STOX2: variants seen among roughly 807,000 people sequenced by gnomAD.
STOX2 encodes the protein storkhead-box protein 2.
Under a neutral mutation model 60.9 loss-of-function variants are expected in STOX2, and 28 were observed. That is an observed-to-expected ratio of 0.46 (90% CI 0.34 to 0.63). STOX2 has a LOEUF of 0.63. Ranked by LOEUF, STOX2 falls within the 30% of genes least tolerant of loss-of-function variation. The pLI is 0.01. For synonymous variants in STOX2, 472 were observed against 463.9 expected, an observed-to-expected ratio of 1.02 and a Z score of -0.22; for missense variants, 1,024 against 1,187.7, an observed-to-expected ratio of 0.86 and a Z score of 2.03.
chr4:183,991,734 T>A (rs1463483610), intron 1 of STOX2, among the ~76,000 whole-genome samples: 1 of 152,152 alleles, frequency 6.6e-6, no homozygotes, highest in East Asian at 1.9e-4. Flanking sequence ...AGGGAAGATA[T>A]TTTTAATACT....
chr4:183,977,964 A>C (rs1383953900), intron 1 of STOX2, among the ~76,000 whole-genome samples: 2 of 151,692 alleles, frequency 1.3e-5, no homozygotes, highest in African/African-American at 4.8e-5. Flanking sequence ...TTTCTTGTTG[A>C]GTTATTTGAG....
intron 1 of STOX2, among the ~76,000 whole-genome samples, chr4:183,951,489 T>C (rs1474929193): frequency 8.6e-5 from 12 of 138,846 alleles, no homozygotes; most frequent in African/African-American, 2.4e-4. Context: ...TCGTTCTTGT[T>C]GCCCAGGCTG....
chr4:184,008,086 A>G (rs999030421), intron 2 of STOX2, among the ~76,000 whole-genome samples: 2 of 152,184 alleles, frequency 1.3e-5, no homozygotes, highest in Admixed American at 1.3e-4. Context: ...TGGTTGAACC[A>G]CATGCAACTG....
chr4:183,953,745 T>C (rs112605483), intron 1 of STOX2, among the ~76,000 whole-genome samples: 2,481 of 152,134 alleles, frequency 0.016, 79 homozygotes, highest in African/African-American at 0.056. Context: ...TTTGTCTTTT[T>C]AGTAGAGACG....
chr4:183,932,948 G>A (rs182230303), intron 1 of STOX2, among the ~76,000 whole-genome samples: 1 of 152,170 alleles, frequency 6.6e-6, no homozygotes, highest in East Asian at 1.9e-4. Flanking sequence ...TATTTATAAG[G>A]CACTTATTCT....
chr4:184,017,050 T>C (rs775961694), intron 3 of STOX2, 39 bp from the exon 4 acceptor site: 1 of 1,518,114 alleles, frequency 6.6e-7, no homozygotes, highest in South Asian at 1.3e-5. Context: ...ATTATTTATG[T>C]TCCAAACAAA....
At chr4:183,852,696 T>G (rs1740185507) in intron 1 of STOX2, among the ~76,000 whole-genome samples, 1 of 152,176 alleles carries the variant, frequency 6.6e-6, no homozygotes, top group African/African-American at 2.4e-5. Context: ...TTTTCTGCAT[T>G]TAGCGGTGGA....
At chr4:183,838,038 TAAAAC>T (rs1397221971) in intron 1 of STOX2, among the ~76,000 whole-genome samples, 1 of 152,110 alleles carries the variant, frequency 6.6e-6, no homozygotes, top group Non-Finnish European at 1.5e-5. Context: ...AAATTAAAAT[TAAAAC>T]AGAAAATCAC....
chr4:183,854,328 A>G (rs182812488), intron 1 of STOX2, among the ~76,000 whole-genome samples: 81 of 152,358 alleles, frequency 5.3e-4, no homozygotes, highest in Admixed American at 1.6e-3. Context: ...TTTATTTGAC[A>G]TTATAACTTG....
chr4:183,952,030 A>C (rs1743112429), intron 1 of STOX2, among the ~76,000 whole-genome samples: 1 of 152,124 alleles, frequency 6.6e-6, no homozygotes, highest in Non-Finnish European at 1.5e-5. Context: ...CCCCACATTA[A>C]AGTGGTTTTG....
At chr4:183,894,819 G>A (rs961393210) in intron 1 of STOX2, among the ~76,000 whole-genome samples, 7 of 152,148 alleles carry the variant, frequency 4.6e-5, no homozygotes, top group African/African-American at 1.4e-4. Context: ...GGAGGTTTGT[G>A]GATTTAACTC....
At chr4:183,804,506 G>A (rs1310064478) in intron 1 of STOX2, among the ~76,000 whole-genome samples, 1 of 152,254 alleles carries the variant, frequency 6.6e-6, no homozygotes, top group Non-Finnish European at 1.5e-5. Context: ...GCCCAGGCCA[G>A]GTCCTGTGGG....
At chr4:183,807,122 A>C (rs575424606) in intron 1 of STOX2, among the ~76,000 whole-genome samples, 11 of 151,934 alleles carry the variant, frequency 7.2e-5, no homozygotes, top group African/African-American at 2.2e-4. Context: ...GCAGGCGACC[A>C]CCACCACGCC....
At chr4:183,992,510 T>C (rs1579516509) in intron 1 of STOX2, among the ~76,000 whole-genome samples, 1 of 152,346 alleles carries the variant, frequency 6.6e-6, no homozygotes, top group East Asian at 1.9e-4. Flanking sequence ...GAAGGAGAAG[T>C]ACAGGGTGGC....
chr4:183,910,929 T>C (rs1321925339), intron 1 of STOX2, among the ~76,000 whole-genome samples: 3 of 152,172 alleles, frequency 2.0e-5, no homozygotes, highest in African/African-American at 4.8e-5. Flanking sequence ...CAGTTCCTTA[T>C]GTTCTGTTAT....
chr4:183,818,698 G>C (rs889210905), intron 1 of STOX2, among the ~76,000 whole-genome samples: 1 of 142,028 alleles, frequency 7.0e-6, no homozygotes, highest in African/African-American at 2.7e-5. Flanking sequence ...CCCACCTCCC[G>C]GACGGGGTAG....
chr4:183,830,283 T>C (rs986235139), intron 1 of STOX2, among the ~76,000 whole-genome samples: 2 of 152,330 alleles, frequency 1.3e-5, no homozygotes, highest in African/African-American at 4.8e-5. Context: ...TAACTATAAT[T>C]AAAAGAATTC....
chr4:183,881,077 G>T (rs1740948027), intron 1 of STOX2, among the ~76,000 whole-genome samples: 1 of 151,792 alleles, frequency 6.6e-6, no homozygotes, highest in African/African-American at 2.4e-5. Context: ...CCTTCAATGA[G>T]ACTGAAGTAA....
intron 1 of STOX2, among the ~76,000 whole-genome samples, chr4:183,910,252 G>T (rs983389616): frequency 2.0e-5 from 3 of 152,146 alleles, no homozygotes; most frequent in African/African-American, 4.8e-5. Context: ...TCATTCTTGG[G>T]CATTTTCTAA....
Sources: allele counts gnomAD v4.1 joint callset (sites outside exome capture counted in the v4.1 genomes callset), GRCh38; gene constraint gnomAD v4.1.1; transcripts MANE v1.5; gene names NCBI Gene and HGNC (gene_info 2026-07-23, HGNC 2026-07-21).